MIPEP: variants seen among roughly 807,000 people sequenced by gnomAD.
MIPEP encodes the protein mitochondrial intermediate peptidase.
MIPEP carries 79 observed loss-of-function variants against 90.3 expected under a neutral mutation model. That is an observed-to-expected ratio of 0.87 (90% confidence interval 0.73 to 1.05). MIPEP has a LOEUF of 1.05. MIPEP is among the 50% of genes least tolerant of loss of function. The probability of loss-of-function intolerance (pLI) is 0.00; values close to 1 mark genes in which losing one functional copy is unlikely to be tolerated. For missense variants in MIPEP, 940 were observed against 905.6 expected, an observed-to-expected ratio of 1.04 and a Z score of -0.49; for synonymous variants, 334 against 315.8, an observed-to-expected ratio of 1.06 and a Z score of -0.61.
At chr13:23,857,256 C>G (rs79153407) in intron 10 of MIPEP, among the ~76,000 whole-genome samples, 2 of 152,090 alleles carry the variant, frequency 1.3e-5, no homozygotes, top group South Asian at 4.1e-4. Context: ...TCTAAACCCT[C>G]GTTGTTTACC....
At chr13:23,838,163 A>G (rs1050157056) in intron 12 of MIPEP, among the ~76,000 whole-genome samples, 1 of 151,908 alleles carries the variant, frequency 6.6e-6, no homozygotes, top group African/African-American at 2.4e-5. Context: ...TCTTTTTTTA[A>G]GATAGGGTCT....
intron 10 of MIPEP, among the ~76,000 whole-genome samples, chr13:23,847,208 T>C (rs1869583214): frequency 6.6e-6 from 1 of 152,110 alleles, no homozygotes; most frequent in Admixed American, 6.5e-5. Flanking sequence ...TACACACATT[T>C]CCCAAAATGC....
chr13:23,768,897 T>C (rs1046322888), intron 16 of MIPEP, among the ~76,000 whole-genome samples: 1 of 152,202 alleles, frequency 6.6e-6, no homozygotes, highest in African/African-American at 2.4e-5. Context: ...CAGGATTGTG[T>C]CTATCAAAAG....
At position 23,889,233 on chromosome 13, in the gene MIPEP, C is replaced by G. The variant is rs566983447; in HGVS notation, c.88G>C (p.Gly30Arg). ...RRAGRGSLEA[G>R]IRARRVSTSW... The stretch of plus-strand genomic sequence containing the variant: ...GTGCTGACCCTTCGGGCCCGGATCC[C>G]GGCTTCGAGGCTTCCCCGGCCCGCC... The change falls in exon 1 of 19, where the codon GGG (glycine) becomes CGG (arginine). Residue 30 changes from glycine (G) to arginine (R), a missense_variant. Coordinates refer to ENST00000382172, the MANE Select transcript of MIPEP (RefSeq NM_005932.4). The G allele has an allele frequency of 7.1e-7, 1 of 1,409,968 alleles. No homozygotes were observed. Among genetic ancestry groups the G allele is most frequent in the Non-Finnish European group, 9.2e-7 (1 of 1,083,854 alleles). The allele number at this position is 1,409,968 out of a possible 1,614,324, so 87.3% of individuals were successfully genotyped here.
At chr13:23,854,508 T>C (rs1869965170) in intron 10 of MIPEP, among the ~76,000 whole-genome samples, 2 of 152,300 alleles carry the variant, frequency 1.3e-5, no homozygotes, top group East Asian at 1.9e-4. Flanking sequence ...TATTTCATTA[T>C]GTGAATGCGC....
chr13:23,794,314 T>C (rs1332988759), intron 16 of MIPEP, among the ~76,000 whole-genome samples: 1 of 152,156 alleles, frequency 6.6e-6, no homozygotes, highest in African/African-American at 2.4e-5. Context: ...TTTTTAATCA[T>C]GCATATGTAT....
At chr13:23,833,039 C>G (rs536465133) in intron 14 of MIPEP, among the ~76,000 whole-genome samples, 13 of 152,226 alleles carry the variant, frequency 8.5e-5, no homozygotes, top group African/African-American at 3.1e-4. Flanking sequence ...CACTGATTAT[C>G]CTCTACCTGA....
chr13:23,821,725 G>T (rs979981920), intron 14 of MIPEP, among the ~76,000 whole-genome samples: 5 of 152,140 alleles, frequency 3.3e-5, no homozygotes, highest in African/African-American at 1.2e-4. Context: ...GTATAAAATA[G>T]TATAGTATTT....
At chr13:23,884,519 T>C (rs2137541495) in intron 2 of MIPEP, among the ~76,000 whole-genome samples, 1 of 152,308 alleles carries the variant, frequency 6.6e-6, no homozygotes, top group South Asian at 2.1e-4. Context: ...ATACCCTGCC[T>C]GGGCTGGCAG....
At chr13:23,810,010 A>G in intron 14 of MIPEP, 86 bp from the exon 15 acceptor site, 1 of 719,264 alleles carries the variant, frequency 1.4e-6, no homozygotes, top group Non-Finnish European at 2.4e-6. Context: ...TAAAAATAAC[A>G]TCAAATGTAA....
intron 18 of MIPEP, among the ~76,000 whole-genome samples, chr13:23,739,518 C>T (rs1302687225): frequency 2.0e-5 from 3 of 152,194 alleles, no homozygotes; most frequent in Non-Finnish European, 2.9e-5. Flanking sequence ...CAACCTCAGT[C>T]AGGCAGGAGC....
At chr13:23,835,371 C>T (rs751610711) in intron 14 of MIPEP, among the ~76,000 whole-genome samples, 1 of 151,994 alleles carries the variant, frequency 6.6e-6, no homozygotes, top group Non-Finnish European at 1.5e-5. Context: ...AAAAAATGAC[C>T]AAATAATATT....
chr13:23,790,185 C>T (rs1422047544), intron 16 of MIPEP, among the ~76,000 whole-genome samples: 2 of 152,094 alleles, frequency 1.3e-5, no homozygotes, highest in African/African-American at 4.8e-5. Flanking sequence ...CAGAACACTC[C>T]AACTCTGATT....
chr13:23,851,561 CCA>C (rs1363803097), intron 10 of MIPEP, among the ~76,000 whole-genome samples: 3 of 152,190 alleles, frequency 2.0e-5, no homozygotes, highest in Admixed American at 6.5e-5. Flanking sequence ...GCTGGGAACA[CCA>C]CAGAGATCCC....
chr13:23,851,435 A>G (rs999801325), intron 10 of MIPEP, among the ~76,000 whole-genome samples: 4 of 152,262 alleles, frequency 2.6e-5, no homozygotes, highest in African/African-American at 9.6e-5. Context: ...CTATTACAAT[A>G]AATCCTTATT....
Position 23,869,347 on chromosome 13 carries a change from C to T in MIPEP, c.888G>A (p.Val296=), listed in dbSNP as rs1172132520. The T allele has an allele frequency of 6.2e-7, 1 of 1,613,108 alleles. No individual in the cohort carries two copies. The highest frequency in any genetic ancestry group is 2.2e-5 in the East Asian group (1 of 44,814). ...CCCTGTGAGAAAACGTGGAATACCC[C>T]ACCAACTTTGCCAGAAGATCTCTGC... is the stretch of plus-strand genomic sequence containing the variant. The part of the protein sequence containing the change: ...LSSRDLLAKL[V]GYSTFSHRAL... The change falls in exon 7 of 19, where the codon GTG becomes GTA. Residue 296 remains valine, a synonymous_variant. Coordinates refer to ENST00000382172, the MANE Select transcript of MIPEP (RefSeq NM_005932.4).
chr13:23,880,355 G>A (rs1278194193), intron 3 of MIPEP, among the ~76,000 whole-genome samples: 4 of 152,106 alleles, frequency 2.6e-5, no homozygotes, highest in African/African-American at 9.7e-5. Context: ...CTCACCCACG[G>A]AGCCACTCCA....
At chr13:23,841,296 TAA>T (rs1869283883) in intron 11 of MIPEP, 37 bp downstream of exon 11, 1 of 1,575,550 alleles carries the variant, frequency 6.3e-7, no homozygotes, top group Non-Finnish European at 8.6e-7. Flanking sequence ...AACCGAAAGG[TAA>T]ATGCCTGCAA....
intron 18 of MIPEP, among the ~76,000 whole-genome samples, chr13:23,744,782 T>C (rs1282047805): frequency 1.3e-5 from 2 of 152,212 alleles, no homozygotes; most frequent in African/African-American, 2.4e-5. Context: ...TTAGTTTTAT[T>C]GAAAGTATTT....
Sources: allele counts gnomAD v4.1 joint callset (sites outside exome capture counted in the v4.1 genomes callset), GRCh38; gene constraint gnomAD v4.1.1; transcripts MANE v1.5; gene names NCBI Gene and HGNC (gene_info 2026-07-23, HGNC 2026-07-21).